BCAS3: variants seen among roughly 807,000 people sequenced by gnomAD.
BCAS3 encodes the protein BCAS4/BCAS3 fusion.
A neutral mutation model predicts 116.1 loss-of-function variants in BCAS3; 53 were observed. That is an observed-to-expected ratio of 0.46 (90% CI 0.37 to 0.57). The LOEUF (loss-of-function observed/expected upper bound fraction) is 0.57, where lower values mean the gene tolerates loss of function less well. Among genes scored for constraint, BCAS3 ranks in the 20% least tolerant of loss-of-function variants. The pLI, the probability that BCAS3 is intolerant of heterozygous loss-of-function variation, is 0.00. For missense variants in BCAS3, 917 were observed against 1,165.4 expected (o/e 0.79, Z 3.10); for synonymous variants, 391 against 408.2 (o/e 0.96, Z 0.51).
chr17:60,938,712 AGAT>A (rs1450462809), intron 13 of BCAS3, among the ~76,000 whole-genome samples: 3 of 32,662 alleles, frequency 9.2e-5, no homozygotes, highest in Non-Finnish European at 6.9e-5. Context: ...TTCTGATAGA[AGAT>A]AGATAGATAG....
At chr17:61,159,459 T>C (rs1325578164) in intron 22 of BCAS3, 2 of 152,260 alleles carry the variant, frequency 1.3e-5, no homozygotes, top group East Asian at 3.8e-4. Flanking sequence ...TTGGTAAGTC[T>C]GACCCAAGAT....
At position 61,013,958 on chromosome 17, in the gene BCAS3, T is replaced by A. The variant is rs2065270912; in HGVS notation, c.1487-1793T>A. On this transcript the variant is annotated intron_variant, in intron 15 of 23. Transcript: ENST00000407086. The surrounding 1 kb of genome is among the most constrained non-coding windows in gnomAD (Gnocchi z 4.4). The stretch of plus-strand genomic sequence containing the variant: ...GTGGTAGTTCTCCCTCTATCCTGAA[T>A]CCATGCTATTTTTAAAGCAAATGTC... Among the ~76,000 whole-genome samples the A allele has an allele frequency of 6.6e-6, 1 of 152,110 alleles. No homozygotes were observed. Among genetic ancestry groups the A allele is most frequent in the Non-Finnish European group, 1.5e-5 (1 of 67,982 alleles).
chr17:60,884,504 C>G (rs1192389672), intron 9 of BCAS3, among the ~76,000 whole-genome samples: 4 of 144,742 alleles, frequency 2.8e-5, no homozygotes, highest in African/African-American at 1.1e-4. Flanking sequence ...TGTGTTTGCT[C>G]TTGCTTTTCT....
chr17:61,297,806 T>C (rs982622450), intron 22 of BCAS3, among the ~76,000 whole-genome samples: 1 of 152,218 alleles, frequency 6.6e-6, no homozygotes, highest in African/African-American at 2.4e-5. Flanking sequence ...CTCTCAACGG[T>C]ATTTTTATTC....
At chr17:60,886,525 G>A (rs1337832371) in intron 9 of BCAS3, 1 of 152,078 alleles carries the variant, frequency 6.6e-6, no homozygotes. Context: ...GACCCTCTGC[G>A]TTTTAGAGTT....
chr17:61,212,745 T>G (rs1044823442), intron 22 of BCAS3, among the ~76,000 whole-genome samples: 2 of 152,212 alleles, frequency 1.3e-5, no homozygotes, highest in Non-Finnish European at 2.9e-5. Context: ...TCAGTGGTGC[T>G]AGTTTCCAAT....
intron 6 of BCAS3, among the ~76,000 whole-genome samples, chr17:60,807,424 G>C (rs934729595): frequency 3.3e-5 from 5 of 152,030 alleles, no homozygotes; most frequent in African/African-American, 1.2e-4. Context: ...GGTATGGGAT[G>C]GTTTTCTGAT....
At chr17:60,914,281 G>A (rs189374700) in intron 12 of BCAS3, among the ~76,000 whole-genome samples, 102 of 152,310 alleles carry the variant, frequency 6.7e-4, no homozygotes, top group African/African-American at 2.2e-3. Context: ...GCTAGGTGAT[G>A]ATGCAATGGA....
At chr17:61,290,788 AT>A (rs920699387) in intron 22 of BCAS3, among the ~76,000 whole-genome samples, 44 of 149,024 alleles carry the variant, frequency 3.0e-4, no homozygotes, top group African/African-American at 1.1e-3. Context: ...TTTAGTTTGC[AT>A]TTTTTTTTTG....
intron 22 of BCAS3, among the ~76,000 whole-genome samples, chr17:61,240,921 GA>G (rs1307712028): frequency 1.3e-5 from 2 of 152,204 alleles, no homozygotes; most frequent in African/African-American, 2.4e-5. Context: ...ATGATTTGAT[GA>G]AATCAAAGAC....
rs990458492 is a variant in BCAS3 at position 61,248,360 on chromosome 17, T to G, written c.2426-119967T>G. Among the ~76,000 whole-genome samples, 3 of 152,232 alleles carry G rather than the reference T, an allele frequency of 2.0e-5. No homozygotes were observed. The highest frequency in any genetic ancestry group is 7.2e-5 in the African/African-American group (3 of 41,460). On this transcript the variant is annotated intron_variant, in intron 22 of 23. Coordinates refer to ENST00000407086, the MANE Select transcript of BCAS3 (RefSeq NM_017679.5). The surrounding 1 kb of genome is among the most constrained non-coding windows in gnomAD (Gnocchi z 4.3). ...TATATTTGTGAATTGTGGCTGATAC[T>G]ACTTTAAAAAATTCCAAAAAGAAAA...
chr17:60,808,964 A>G (rs1378686078), intron 7 of BCAS3, among the ~76,000 whole-genome samples: 1 of 152,088 alleles, frequency 6.6e-6, no homozygotes, highest in Non-Finnish European at 1.5e-5. Context: ...TGGAAGAGAA[A>G]CTGAAATAAA....
chr17:61,169,949 G>A (rs1316752084), intron 22 of BCAS3, among the ~76,000 whole-genome samples: 1 of 151,908 alleles, frequency 6.6e-6, no homozygotes, highest in East Asian at 1.9e-4. Flanking sequence ...CCACCTCCCG[G>A]GTTCAAGCAA....
chr17:61,075,852 G>A (rs2071928182), intron 20 of BCAS3, among the ~76,000 whole-genome samples: 3 of 152,006 alleles, frequency 2.0e-5, no homozygotes, highest in African/African-American at 7.3e-5. Flanking sequence ...TGCTTTTAGT[G>A]GTCTCTAAGC....
chr17:61,234,677 GGAC>G (rs2144457882), intron 22 of BCAS3, among the ~76,000 whole-genome samples: 1 of 151,544 alleles, frequency 6.6e-6, no homozygotes, highest in African/African-American at 2.4e-5. Context: ...ACCAACCCAT[GGAC>G]CTATAGCTAG....
In BCAS3 at chr17:61,074,939, T is replaced by C; in HGVS notation, c.2049T>C (p.Pro683=). The change falls in exon 20 of 24, where the codon CCT becomes CCC. Residue 683 remains proline, a synonymous_variant. Coordinates refer to ENST00000407086, the MANE Select transcript of BCAS3 (RefSeq NM_017679.5). ...LLAGLVPPGS[P]GPITRHGSYD... ...CTATAGTGGTTCCCCCTGGAAGTCC[T>C]GGGCCCATTACTCGACATGGGTCTT... 1 of 1,613,188 alleles carries C rather than the reference T, an allele frequency of 6.2e-7. No homozygotes were observed. The highest frequency in any genetic ancestry group is 8.5e-7 in the Non-Finnish European group (1 of 1,179,262).
intron 9 of BCAS3, 132 bp downstream of exon 9, chr17:60,874,870 G>A (rs564925839): frequency 7.4e-6 from 4 of 542,798 alleles, no homozygotes; most frequent in South Asian, 6.0e-5. Flanking sequence ...TTGTGATTCT[G>A]TGGCTATTCT....
At chr17:60,681,912 T>C (rs1265602823) in intron 2 of BCAS3, among the ~76,000 whole-genome samples, 3 of 152,092 alleles carry the variant, frequency 2.0e-5, no homozygotes, top group South Asian at 2.1e-4. Flanking sequence ...TATTTTTTAG[T>C]AGAGACAGGG....
intron 14 of BCAS3, among the ~76,000 whole-genome samples, chr17:60,984,104 CTTTAA>C (rs1308673223): frequency 6.6e-6 from 1 of 152,166 alleles, no homozygotes; most frequent in East Asian, 1.9e-4. Context: ...TTAGGACAGT[CTTTAA>C]TTATATCATT....
Sources: allele counts gnomAD v4.1 joint callset (sites outside exome capture counted in the v4.1 genomes callset), GRCh38; gene constraint gnomAD v4.1.1; non-coding constraint Gnocchi (gnomAD v3.1); transcripts MANE v1.5; gene names NCBI Gene and HGNC (gene_info 2026-07-23, HGNC 2026-07-21).